The following CENPW variants were observed in gnomAD, a reference collection of about 807,000 sequenced individuals.
CENPW encodes cancer-up-regulated gene 2 protein.
In CENPW, 3 loss-of-function variants were observed where a neutral mutation model predicts 11.1. The ratio of observed to expected loss-of-function variants is 0.27; its 90% CI spans 0.12 to 0.70. The LOEUF (loss-of-function observed/expected upper bound fraction) is 0.70, where lower values mean the gene tolerates loss of function less well. Among genes scored for constraint, CENPW ranks in the 30% least tolerant of loss-of-function variants. The pLI is 0.77. For missense variants in CENPW, 100 were observed against 105.6 expected, an observed-to-expected ratio of 0.95 and a Z score of 0.23; for synonymous variants, 38 against 42.0, an observed-to-expected ratio of 0.91 and a Z score of 0.37.
chr6:126,346,192 TTC>T lies in CENPW; in HGVS notation c.127-11_127-10del, dbSNP rs762612564. ...TTGAGCTTAAAAATCCACTTGGATTTTCTGTTTTAAAGGTCCATCTGAACTGT... is the reference window on the plus strand; with the variant it reads ...TTGAGCTTAAAAATCCACTTGGATTTTGTTTTAAAGGTCCATCTGAACTGT... On this transcript the variant is annotated splice_polypyrimidine_tract_variant and intron_variant, in intron 1 of 2. Transcript: ENST00000368328. 1.2e-5 allele frequency: 18 copies of T among 1,504,676 alleles called. No homozygotes were observed. Among genetic ancestry groups the T allele is most frequent in the Non-Finnish European group, 1.4e-5 (15 of 1,102,674 alleles). 93.2% of individuals were successfully genotyped at this position (1,504,676 alleles called of 1,614,324 possible). A position where few individuals can be genotyped will look rare whatever the true frequency, so the allele number is the denominator to read the frequency against.
the CENPW span, among the ~76,000 whole-genome samples, chr6:126,469,928 A>C: frequency 6.6e-6 from 1 of 152,226 alleles, no homozygotes; most frequent in African/African-American, 2.4e-5. Context: ...ATATGCATTC[A>C]CAAAGAGATG....
the CENPW span, among the ~76,000 whole-genome samples, chr6:126,453,184 A>G: frequency 1.3e-5 from 2 of 151,188 alleles, no homozygotes; most frequent in African/African-American, 4.8e-5. Flanking sequence ...AGAGAGGCCA[A>G]CATTCAAATT....
At chr6:126,384,438 A>G in the CENPW span, among the ~76,000 whole-genome samples, 20 of 152,300 alleles carry the variant, frequency 1.3e-4, no homozygotes, top group African/African-American at 4.8e-4. Context: ...CATATAGACC[A>G]GTGGAACAGA....
chr6:126,387,646 T>A, the CENPW span, among the ~76,000 whole-genome samples: 1 of 151,924 alleles, frequency 6.6e-6, no homozygotes, highest in Non-Finnish European at 1.5e-5. Flanking sequence ...CAGCAAGGGG[T>A]TAAGTGTCTT....
At chr6:126,402,809 C>T in the CENPW span, among the ~76,000 whole-genome samples, 1 of 151,976 alleles carries the variant, frequency 6.6e-6, no homozygotes, top group East Asian at 1.9e-4. Flanking sequence ...AATAATGCTG[C>T]TATGAATATT....
At chr6:126,347,734 G>A (rs1444119199) in intron 2 of CENPW, among the ~76,000 whole-genome samples, 1 of 151,850 alleles carries the variant, frequency 6.6e-6, no homozygotes, top group Non-Finnish European at 1.5e-5. Flanking sequence ...TTAAGATATT[G>A]AAGAATATAC....
the CENPW span, among the ~76,000 whole-genome samples, chr6:126,401,472 G>A: frequency 1.3e-5 from 2 of 151,916 alleles, no homozygotes; most frequent in Admixed American, 6.6e-5. Flanking sequence ...CTTAGGTAGG[G>A]GCTATGATAC....
intron 1 of CENPW, among the ~76,000 whole-genome samples, chr6:126,342,076 G>A (rs1780324144): frequency 6.6e-6 from 1 of 152,104 alleles, no homozygotes; most frequent in African/African-American, 2.4e-5. Flanking sequence ...GGATTACCCT[G>A]GTTTCTTTAT....
the CENPW span, among the ~76,000 whole-genome samples, chr6:126,466,565 T>C: frequency 2.0e-5 from 3 of 152,262 alleles, no homozygotes; most frequent in East Asian, 3.9e-4. Flanking sequence ...TGAACTCATG[T>C]TTAATTTAAT....
chr6:126,476,719 T>G, the CENPW span, among the ~76,000 whole-genome samples: 1 of 151,982 alleles, frequency 6.6e-6, no homozygotes, highest in Non-Finnish European at 1.5e-5. Context: ...CATATGAACC[T>G]TTTTTTAAGG....
chr6:126,355,515 G>A, the CENPW span, among the ~76,000 whole-genome samples: 3 of 151,370 alleles, frequency 2.0e-5, no homozygotes, highest in African/African-American at 7.3e-5. Context: ...ACAGAAAGCT[G>A]TATTCCATAA....
At chr6:126,392,914 T>C in the CENPW span, among the ~76,000 whole-genome samples, 1 of 151,940 alleles carries the variant, frequency 6.6e-6, no homozygotes, top group African/African-American at 2.4e-5. Flanking sequence ...GGTTAAGCCA[T>C]TGGGTCCTGG....
chr6:126,345,742 T>A (rs549616671), intron 1 of CENPW, among the ~76,000 whole-genome samples: 2 of 152,298 alleles, frequency 1.3e-5, no homozygotes, highest in Non-Finnish European at 2.9e-5. Flanking sequence ...TTAACATGTT[T>A]TTTAATAAAT....
At chr6:126,412,694 C>T in the CENPW span, among the ~76,000 whole-genome samples, 1 of 152,182 alleles carries the variant, frequency 6.6e-6, no homozygotes, top group East Asian at 1.9e-4. Flanking sequence ...CATTTATGCA[C>T]TGCCTACATT....
the CENPW span, among the ~76,000 whole-genome samples, chr6:126,410,520 G>T: frequency 6.6e-6 from 1 of 151,762 alleles, no homozygotes; most frequent in African/African-American, 2.4e-5. Context: ...TGAGTTTCCT[G>T]GTTATGGATG....
the CENPW span, among the ~76,000 whole-genome samples, chr6:126,414,036 A>T: frequency 6.6e-6 from 1 of 152,116 alleles, no homozygotes; most frequent in Non-Finnish European, 1.5e-5. Context: ...TATATTGGAT[A>T]AAACAAGCTT....
the CENPW span, among the ~76,000 whole-genome samples, chr6:126,396,135 C>G: frequency 6.6e-6 from 1 of 151,976 alleles, no homozygotes; most frequent in Non-Finnish European, 1.5e-5. Flanking sequence ...AGTGAGCTCC[C>G]CCAGGCCCTG....
chr6:126,411,359 TG>T, the CENPW span, among the ~76,000 whole-genome samples: 1 of 152,226 alleles, frequency 6.6e-6, no homozygotes, highest in Non-Finnish European at 1.5e-5. Context: ...TTTCTATTCC[TG>T]TTTTCCCCAC....
chr6:126,364,583 A>G, the CENPW span, among the ~76,000 whole-genome samples: 1 of 152,156 alleles, frequency 6.6e-6, no homozygotes, highest in South Asian at 2.1e-4. Context: ...AATGTATATA[A>G]GCACATAACC....
Sources: gnomAD v4.1 joint callset for allele counts (sites outside exome capture counted in the v4.1 genomes callset) on GRCh38, gnomAD v4.1.1 for gene constraint, MANE v1.5 for transcripts, NCBI Gene and HGNC (gene_info 2026-07-23, HGNC 2026-07-21) for gene names.